FADS6: variants seen among roughly 807,000 people sequenced by gnomAD.
FADS6 encodes the protein fatty acid desaturase domain family, member 6.
Under a neutral mutation model 31.7 loss-of-function variants are expected in FADS6, and 28 were observed. That is an observed-to-expected ratio of 0.88 (90% CI 0.66 to 1.21). The LOEUF (loss-of-function observed/expected upper bound fraction) is 1.21, where lower values mean the gene tolerates loss of function less well. Among genes scored for constraint, FADS6 ranks in the 50% most tolerant of loss-of-function variants. The probability of loss-of-function intolerance (pLI) is 0.00; values close to 1 mark genes in which losing one functional copy is unlikely to be tolerated. For missense variants in FADS6, 494 were observed against 504.2 expected (o/e 0.98, Z 0.19); for synonymous variants, 191 against 213.1 (o/e 0.90, Z 0.90).
Position 74,878,075 on chromosome 17 carries a change from T to C in FADS6, c.*256A>G, listed in dbSNP as rs1258731784. 3.9e-6 allele frequency: 5 copies of C among 1,294,454 alleles called. No individual in the cohort carries two copies. In the African/African-American group the frequency reaches 7.6e-5, roughly 20 times the overall value. The allele number at this position is 1,294,454 out of a possible 1,614,324, so 80.2% of individuals were successfully genotyped here. A position where few individuals can be genotyped will look rare whatever the true frequency, so the allele number is the denominator to read the frequency against. On this transcript the variant is annotated 3_prime_UTR_variant, in exon 6 of 6. Coordinates refer to ENST00000612771, the MANE Select transcript of FADS6 (RefSeq NM_178128.6). ...CCAGCTCTTTAGTCCTGAGATGAAG[T>C]TGCTGAGGTCCAGACTGACCAGAAT... is the stretch of plus-strand genomic sequence containing the variant.
chr17:74,892,959 G>A (rs992495671), intron 1 of FADS6, among the ~76,000 whole-genome samples: 1 of 152,106 alleles, frequency 6.6e-6, no homozygotes, highest in Non-Finnish European at 1.5e-5. Flanking sequence ...GGTACCATGG[G>A]TGTTCCAGAC....
intron 3 of FADS6, 80 bp downstream of exon 3, chr17:74,882,450 C>A: frequency 6.8e-7 from 1 of 1,463,174 alleles, no homozygotes; most frequent in Non-Finnish European, 9.2e-7. Context: ...TAAGCAGCCT[C>A]CATGAAGCCA....
chr17:74,887,251 T>C (rs2038633137), intron 2 of FADS6, among the ~76,000 whole-genome samples: 1 of 152,006 alleles, frequency 6.6e-6, no homozygotes, highest in Non-Finnish European at 1.5e-5. Context: ...ATCCAGCTAA[T>C]TTTAGTTTTG....
intron 1 of FADS6, 98 bp from the exon 2 acceptor site, chr17:74,892,787 G>T: frequency 7.8e-7 from 1 of 1,276,870 alleles, no homozygotes; most frequent in Non-Finnish European, 1.1e-6. Context: ...GGCTAAAGTG[G>T]GCTAGGCTCT....
At chr17:74,876,424 G>A (rs2038508745), downstream of FADS6, among the ~76,000 whole-genome samples, 1 of 152,156 alleles carries the variant, frequency 6.6e-6, no homozygotes, top group Non-Finnish European at 1.5e-5. Context: ...CCAGCATCTA[G>A]TAGGTAGAAG....
At chr17:74,880,866 G>C (rs1014167320) in intron 4 of FADS6, among the ~76,000 whole-genome samples, 1 of 152,204 alleles carries the variant, frequency 6.6e-6, no homozygotes, top group Non-Finnish European at 1.5e-5. Context: ...GACCATGAAT[G>C]ATGAGTAGGA....
intron 5 of FADS6, 29 bp downstream of exon 5, chr17:74,879,375 C>G: frequency 1.2e-6 from 2 of 1,606,808 alleles, no homozygotes; most frequent in Non-Finnish European, 1.7e-6. Context: ...TCCCTTTATT[C>G]CAGCGCCCCC....
At chr17:74,875,404 C>G (rs1471381226), downstream of FADS6, among the ~76,000 whole-genome samples, 2 of 152,204 alleles carry the variant, frequency 1.3e-5, no homozygotes, top group African/African-American at 4.8e-5. Context: ...TCTGGATATA[C>G]TTCATTCACT....
intron 5 of FADS6, chr17:74,879,199 G>A (rs770632766): frequency 5.0e-6 from 3 of 600,346 alleles, no homozygotes; most frequent in Non-Finnish European, 8.4e-6. Flanking sequence ...ACCACACCCC[G>A]CTAATTTTTG....
In FADS6 at chr17:74,881,559, C is replaced by A. The variant is rs114668801; in HGVS notation, c.593-304G>T. ...TCAAAAATACACAAAATTTGCTGGGCGTCGTGGCGCACACCTGTGGTCCCA... is the reference window on the plus strand; with the variant it reads ...TCAAAAATACACAAAATTTGCTGGGAGTCGTGGCGCACACCTGTGGTCCCA... On this transcript the variant is annotated intron_variant, in intron 3 of 5. Transcript: ENST00000612771. Among the ~76,000 whole-genome samples the A allele has an allele frequency of 1.5e-3, 233 of 151,902 alleles. 2 individuals are homozygous for A. The highest frequency in any genetic ancestry group is 5.5e-3 in the African/African-American group (227 of 41,508).
chr17:74,886,238 CAAAAAA>C (rs550950451), intron 2 of FADS6, among the ~76,000 whole-genome samples: 1 of 42,144 alleles, frequency 2.4e-5, no homozygotes, highest in South Asian at 8.0e-4. Flanking sequence ...GATTCCATCT[CAAAAAA>C]AAAAAAAAAA....
chr17:74,886,004 C>T (rs1191583104), intron 2 of FADS6, among the ~76,000 whole-genome samples: 2 of 152,026 alleles, frequency 1.3e-5, no homozygotes, highest in South Asian at 2.1e-4. Flanking sequence ...CTTTGGGAGG[C>T]CGAGGCGGGC....
intron 2 of FADS6, among the ~76,000 whole-genome samples, chr17:74,886,596 T>C (rs568650066): frequency 6.6e-6 from 1 of 152,122 alleles, no homozygotes; most frequent in South Asian, 2.1e-4. Context: ...CAAAGACCTC[T>C]CCCGATGCTT....
intron 4 of FADS6, among the ~76,000 whole-genome samples, chr17:74,880,033 G>C (rs1312551058): frequency 6.6e-6 from 1 of 152,192 alleles, no homozygotes; most frequent in Non-Finnish European, 1.5e-5. Context: ...ACATGACCAG[G>C]AGCTTCGGTG....
At position 74,892,699 on chromosome 17, in the gene FADS6, G is replaced by C. The variant is rs774238356; in HGVS notation, c.245-10C>G. On this transcript the variant is annotated splice_polypyrimidine_tract_variant and intron_variant, in intron 1 of 5. Coordinates refer to ENST00000612771, the MANE Select transcript of FADS6 (RefSeq NM_178128.6). The stretch of plus-strand genomic sequence containing the variant: ...CGCAGGCACAGGAAGCCTGCGTGGA[G>C]AGGAGGAAGAAGACGGGTCTTTCTC... The C allele has an allele frequency of 6.2e-7, 1 of 1,606,704 alleles. No individual in the cohort carries two copies. The highest frequency in any genetic ancestry group is 8.5e-7 in the Non-Finnish European group (1 of 1,176,844).
intron 2 of FADS6, among the ~76,000 whole-genome samples, 181 bp downstream of exon 2, chr17:74,892,342 T>C (rs879637277): frequency 2.6e-5 from 4 of 152,248 alleles, no homozygotes; most frequent in Non-Finnish European, 5.9e-5. Context: ...GCTCAAGGGC[T>C]TGGAGAAGTC....
chr17:74,883,189 C>CA (rs1022956977), intron 2 of FADS6, among the ~76,000 whole-genome samples: 1 of 152,210 alleles, frequency 6.6e-6, no homozygotes, highest in Admixed American at 6.5e-5. Context: ...ATCCCCTGAC[C>CA]AGTCCACAAG....
chr17:74,884,062 C>A (rs1204791127), intron 2 of FADS6, among the ~76,000 whole-genome samples: 1 of 152,146 alleles, frequency 6.6e-6, no homozygotes, highest in African/African-American at 2.4e-5. Flanking sequence ...GTTCCCAGGG[C>A]CTTGTCCCTG....
At chr17:74,877,139 T>C (rs2038513742), downstream of FADS6, among the ~76,000 whole-genome samples, 1 of 151,968 alleles carries the variant, frequency 6.6e-6, no homozygotes, top group Non-Finnish European at 1.5e-5. Context: ...CATTCCTCTC[T>C]GAGGTCATCC....
Sources: gnomAD v4.1 joint callset for allele counts (sites outside exome capture counted in the v4.1 genomes callset) on GRCh38, gnomAD v4.1.1 for gene constraint, MANE v1.5 for transcripts, NCBI Gene and HGNC (gene_info 2026-07-23, HGNC 2026-07-21) for gene names.